Variants in TBC1D8 observed in about 807,000 individuals in gnomAD.
The protein encoded by TBC1D8 is TBC1 domain family member 8, also known as BUB2-like protein 1.
TBC1D8 carries 65 observed loss-of-function variants against 118.8 expected under a neutral mutation model. That is an observed-to-expected ratio of 0.55 (90% confidence interval 0.45 to 0.67). The LOEUF is 0.67. Ranked by LOEUF, TBC1D8 falls within the 30% of genes least tolerant of loss-of-function variation. The pLI, the probability that TBC1D8 is intolerant of heterozygous loss-of-function variation, is 0.00. For synonymous variants in TBC1D8, 566 were observed against 595.8 expected (o/e 0.95, Z 0.73); for missense variants, 1,376 against 1,471.2 (o/e 0.94, Z 1.06).
chr2:101,092,573 G>T lies in TBC1D8; in HGVS notation c.128-2209C>A, dbSNP rs531785703. Among the ~76,000 whole-genome samples, 11 of 152,056 alleles carry T rather than the reference G, an allele frequency of 7.2e-5. No individual in the cohort carries two copies. In the East Asian group the frequency reaches 1.9e-3, roughly 27 times the overall value. On this transcript the variant is annotated intron_variant, in intron 1 of 19. Transcript: ENST00000409318. ...CATGTTTTTCTCCTTTTTTCAAAGGGTTATAATCTATTACTATCATATATT... is the reference window on the plus strand; with the variant it reads ...CATGTTTTTCTCCTTTTTTCAAAGGTTTATAATCTATTACTATCATATATT...
intron 1 of TBC1D8, among the ~76,000 whole-genome samples, chr2:101,113,341 T>C (rs768948502): frequency 6.6e-6 from 1 of 151,784 alleles, no homozygotes; most frequent in Admixed American, 6.6e-5. Flanking sequence ...TTACTGGCCA[T>C]AGATTTAGAC....
intron 1 of TBC1D8, among the ~76,000 whole-genome samples, chr2:101,126,720 C>G (rs1678373977): frequency 6.6e-6 from 1 of 152,146 alleles, no homozygotes; most frequent in African/African-American, 2.4e-5. Context: ...AATAGGAAGA[C>G]TGGAAGAAGG....
chr2:101,037,829 A>C, intron 7 of TBC1D8, 121 bp from the exon 8 acceptor site: 1 of 1,247,020 alleles, frequency 8.0e-7, no homozygotes, highest in Non-Finnish European at 1.1e-6. Context: ...TCAATGACTC[A>C]GGGGGAAGAC....
rs1270294714 is a variant in TBC1D8, at chr2:101,029,833, G to A, written c.1937-57C>T. 3.3e-6 allele frequency: 5 copies of A among 1,538,100 alleles called. No homozygotes were observed. In the African/African-American group the frequency reaches 6.9e-5, roughly 21 times the overall value. On this transcript the variant is annotated intron_variant, in intron 11 of 19. Coordinates refer to ENST00000409318, the MANE Select transcript of TBC1D8 (RefSeq NM_001330348.2). ...GGGTAGGACTCACTCTCTAAGGTCAGTCTGAAATTAAAATCACTCTGAGGT... is the reference window on the plus strand; with the variant it reads ...GGGTAGGACTCACTCTCTAAGGTCAATCTGAAATTAAAATCACTCTGAGGT...
intron 2 of TBC1D8, among the ~76,000 whole-genome samples, chr2:101,064,423 G>A (rs775196241): frequency 6.8e-4 from 103 of 152,164 alleles, no homozygotes; most frequent in Non-Finnish European, 6.5e-4. Context: ...AGTGTGTGGA[G>A]GGGGATGGAG....
At position 101,007,526 on chromosome 2, in the gene TBC1D8, T is replaced by C; in HGVS notation, c.*295A>G. On this transcript the variant is annotated 3_prime_UTR_variant, in exon 20 of 20. Transcript: ENST00000409318. ...GTTAGTATGAGACATTGTGTTCATC[T>C]GAGAGCAAAATCAACACTAGCATCA... The C allele has an allele frequency of 2.7e-6, 1 of 375,446 alleles. No individual in the cohort carries two copies. The highest frequency in any genetic ancestry group is 5.1e-5 in the East Asian group (1 of 19,718). The allele number at this position is 375,446 out of a possible 1,614,324, so 23.3% of individuals were successfully genotyped here. A position where few individuals can be genotyped will look rare whatever the true frequency, so the allele number is the denominator to read the frequency against.
At chr2:101,070,672 C>G (rs1362009768) in intron 2 of TBC1D8, among the ~76,000 whole-genome samples, 2 of 152,174 alleles carry the variant, frequency 1.3e-5, no homozygotes, top group African/African-American at 4.8e-5. Flanking sequence ...ATCAGCCTCC[C>G]AAAGTGCTGG....
intron 17 of TBC1D8, among the ~76,000 whole-genome samples, chr2:101,015,437 ATAAAT>A (rs930956405): frequency 2.0e-5 from 3 of 152,204 alleles, no homozygotes; most frequent in Admixed American, 6.5e-5. Flanking sequence ...ATCTTCAATA[ATAAAT>A]TAACCTCAGC....
At position 101,007,915 on chromosome 2, in the gene TBC1D8, G is replaced by A. The variant is rs367986556; in HGVS notation, c.3374C>T (p.Ser1125Phe). 38 of 1,613,934 alleles carry A rather than the reference G, an allele frequency of 2.4e-5. No homozygotes were observed. The highest frequency in any genetic ancestry group is 3.3e-5 in the Admixed American group (2 of 60,012). The change falls in exon 20 of 20, where the codon TCC becomes TTC. Residue 1125 changes from serine to phenylalanine, a missense_variant. Transcript: ENST00000409318. Reference protein sequence around the residue: ...NFFEKPLDMKSKLENAKINQY... With the variant: ...NFFEKPLDMKFKLENAKINQY... ...ATTGATCTTGGCATTTTCAAGTTTG[G>A]ATTTCATGTCCAGTGGCTTTTCAAA...
chr2:101,023,639 T>C, intron 15 of TBC1D8: 1 of 434,434 alleles, frequency 2.3e-6, no homozygotes, highest in African/African-American at 2.1e-5. Flanking sequence ...TTTTTTAAGG[T>C]GAGTTGAAGT....
intron 3 of TBC1D8, among the ~76,000 whole-genome samples, chr2:101,056,393 G>A (rs1038729187): frequency 7.2e-5 from 11 of 151,738 alleles, no homozygotes; most frequent in Admixed American, 2.0e-4. Flanking sequence ...TAGTAGAGAC[G>A]GGGTTTCACC....
intron 2 of TBC1D8, among the ~76,000 whole-genome samples, chr2:101,065,955 A>G (rs1682989288): frequency 6.6e-6 from 1 of 152,138 alleles, no homozygotes; most frequent in South Asian, 2.1e-4. Flanking sequence ...CAAAAAATAG[A>G]ATCAGTAGAC....
chr2:101,038,500 G>C lies in TBC1D8; in HGVS notation c.1236C>G (p.Asn412Lys), dbSNP rs770085386. 2 of 1,613,864 alleles carry C rather than the reference G, an allele frequency of 1.2e-6. No individual in the cohort carries two copies. The highest frequency in any genetic ancestry group is 1.7e-6 in the Non-Finnish European group (2 of 1,179,902). ...CAGAGGTGTCGTAGTGCACGGGGTGGTTGGCGTGGACCTGCTTCAACCTCG... is the reference window on the plus strand; with the variant it reads ...CAGAGGTGTCGTAGTGCACGGGGTGCTTGGCGTGGACCTGCTTCAACCTCG... ...LLARLKQVHA[N>K]HPVHYDTSAD... Residue 412 changes from asparagine to lysine, a missense_variant, in exon 7 of 20, where the codon AAC becomes AAG. Physicochemically the swap from Asn to Lys is moderately conservative, Grantham distance 94. Transcript: ENST00000409318.
chr2:101,137,925 G>A (rs1182947395), intron 1 of TBC1D8, among the ~76,000 whole-genome samples: 2 of 152,132 alleles, frequency 1.3e-5, no homozygotes, highest in African/African-American at 2.4e-5. Context: ...AGAAATACCC[G>A]CGACTGGGTA....
At position 101,007,556 on chromosome 2, in the gene TBC1D8, A is replaced by C; in HGVS notation, c.*265T>G. 1 of 463,390 alleles carries C rather than the reference A, an allele frequency of 2.2e-6. No individual in the cohort carries two copies. Among genetic ancestry groups the C allele is most frequent in the Non-Finnish European group, 3.9e-6 (1 of 258,022 alleles). The allele number at this position is 463,390 out of a possible 1,614,324, so 28.7% of individuals were successfully genotyped here. A position where few individuals can be genotyped will look rare whatever the true frequency, so the allele number is the denominator to read the frequency against. On this transcript the variant is annotated 3_prime_UTR_variant, in exon 20 of 20. Transcript: ENST00000409318. ...GCAAAATCAACACTAGCATCACAGC[A>C]GAAGTGCCCATTTCAGCAAATCCGG...
intron 1 of TBC1D8, among the ~76,000 whole-genome samples, chr2:101,138,894 A>G (rs13412911): frequency 0.07 from 10,693 of 152,152 alleles, 1,305 homozygotes; most frequent in African/African-American, 0.24. Context: ...CCCAAGCTTC[A>G]AATCTGTTCT....
intron 1 of TBC1D8, among the ~76,000 whole-genome samples, chr2:101,090,584 AT>A (rs1187319099): frequency 6.6e-6 from 1 of 152,210 alleles, no homozygotes; most frequent in African/African-American, 2.4e-5. Context: ...CTCAGTACTC[AT>A]TTGCTCAATC....
intron 1 of TBC1D8, among the ~76,000 whole-genome samples, chr2:101,112,095 G>T (rs938327808): frequency 4.6e-5 from 7 of 152,120 alleles, no homozygotes; most frequent in Admixed American, 4.6e-4. Flanking sequence ...TCCTCTAGCT[G>T]CTCCATAAAT....
chr2:101,059,814 C>T lies in TBC1D8; in HGVS notation c.284-275G>A, dbSNP rs532718302. ...ATTAGCCGGGCGTGGTGGCGGGCAC[C>T]TGTAGTCCCAGCTACTCGGGAGGCT... On this transcript the variant is annotated intron_variant, in intron 2 of 19. Coordinates refer to ENST00000409318, the MANE Select transcript of TBC1D8 (RefSeq NM_001330348.2). Among the ~76,000 whole-genome samples, 9 of 152,296 alleles carry T rather than the reference C, an allele frequency of 5.9e-5. No homozygotes were observed. In the South Asian group the frequency reaches 1.9e-3, roughly 32 times the overall value.
Sources: gnomAD v4.1 joint callset for allele counts (sites outside exome capture counted in the v4.1 genomes callset) on GRCh38, gnomAD v4.1.1 for gene constraint, MANE v1.5 for transcripts, NCBI Gene and HGNC (gene_info 2026-07-23, HGNC 2026-07-21) for gene names.